RGS6: variants seen among roughly 807,000 people sequenced by gnomAD.
RGS6 encodes the protein regulator of G-protein signaling 6.
RGS6 carries 30 observed loss-of-function variants against 78.5 expected under a neutral mutation model. The ratio of observed to expected loss-of-function variants is 0.38; its 90% CI spans 0.29 to 0.52. The LOEUF (loss-of-function observed/expected upper bound fraction) is 0.52, where lower values mean the gene tolerates loss of function less well. Among genes scored for constraint, RGS6 ranks in the 20% least tolerant of loss-of-function variants. RGS6 has a pLI of 0.85. For synonymous variants in RGS6, 206 were observed against 206.0 expected, an observed-to-expected ratio of 1.00 and a Z score of 0.00; for missense variants, 495 against 609.7, an observed-to-expected ratio of 0.81 and a Z score of 1.98.
At chr14:72,252,913 G>T (rs547246591) in intron 2 of RGS6, among the ~76,000 whole-genome samples, 8 of 152,226 alleles carry the variant, frequency 5.3e-5, no homozygotes, top group African/African-American at 1.7e-4. Context: ...ATATACTGGG[G>T]ACTCCCTCTG....
At chr14:72,298,453 T>C (rs1213898557) in intron 2 of RGS6, among the ~76,000 whole-genome samples, 3 of 69,546 alleles carry the variant, frequency 4.3e-5, no homozygotes, top group African/African-American at 1.5e-4. Context: ...TTTTTTTTTT[T>C]TTCCCCCCCT....
rs79931382 is a variant in RGS6 at position 72,280,107 on chromosome 14, G to A, written c.85-71988G>A. Among the ~76,000 whole-genome samples the A allele has an allele frequency of 3.0e-4, 46 of 152,074 alleles. No individual in the cohort carries two copies. In the East Asian group the frequency reaches 7.0e-3, roughly 23 times the overall value. On this transcript the variant is annotated intron_variant, in intron 2 of 17. Transcript: ENST00000553525. ...TTGTGAAGTCAGCATGGTCCCCACCGCCACGCCCCCACCCCAGGCCAAACT... is the reference window on the plus strand; with the variant it reads ...TTGTGAAGTCAGCATGGTCCCCACCACCACGCCCCCACCCCAGGCCAAACT...
At chr14:72,478,405 G>A (rs969190479) in intron 12 of RGS6, 76 bp downstream of exon 12, 115 of 1,078,960 alleles carry the variant, frequency 1.1e-4, no homozygotes, top group Non-Finnish European at 1.5e-4. Context: ...TATGGTTAAC[G>A]AATGTGTTCA....
chr14:72,022,425 A>G (rs2088848733), intron 2 of RGS6: 1 of 152,188 alleles, frequency 6.6e-6, no homozygotes, highest in African/African-American at 2.4e-5. Flanking sequence ...AGTCAAGTAC[A>G]CTAGTGAGAA....
chr14:72,312,257 A>G lies in RGS6; in HGVS notation c.85-39838A>G, dbSNP rs568803658. Among the ~76,000 whole-genome samples the G allele has an allele frequency of 9.9e-5, 14 of 140,946 alleles. No individual in the cohort carries two copies. In the South Asian group the frequency reaches 2.5e-3, roughly 25 times the overall value. The allele number at this position is 140,946 out of a possible 152,430, so 92.5% of individuals were successfully genotyped here. Reference sequence around the variant, plus strand: ...TTTTTTTTTTTTGGTACTCAGCCCTAATTTTCCCTGGCAAATATTGCTCTG... The same window carrying G: ...TTTTTTTTTTTTGGTACTCAGCCCTGATTTTCCCTGGCAAATATTGCTCTG... On this transcript the variant is annotated intron_variant, in intron 2 of 17. Transcript: ENST00000553525.
chr14:72,258,796 C>G (rs573333099), intron 2 of RGS6, among the ~76,000 whole-genome samples: 15 of 152,070 alleles, frequency 9.9e-5, no homozygotes, highest in Non-Finnish European at 2.1e-4. Context: ...TGAAATACAG[C>G]AAGGTAACAT....
chr14:72,109,165 A>AT (rs1279830568), intron 2 of RGS6, among the ~76,000 whole-genome samples: 2 of 144,212 alleles, frequency 1.4e-5, no homozygotes. Context: ...GCTCAATTTT[A>AT]TTTTTTTCCC....
intron 17 of RGS6, chr14:72,541,172 T>C: frequency 2.2e-6 from 3 of 1,383,298 alleles, no homozygotes; most frequent in Non-Finnish European, 2.9e-6. Flanking sequence ...CCATTGATAT[T>C]GACTTGCCTT....
chr14:72,583,896 GA>G, the RGS6 span, among the ~76,000 whole-genome samples: 2 of 152,160 alleles, frequency 1.3e-5, no homozygotes, highest in Admixed American at 1.3e-4. Flanking sequence ...TGCTCATGGG[GA>G]CACAGGTGGG....
chr14:72,224,616 C>T (rs192067074), intron 2 of RGS6, among the ~76,000 whole-genome samples: 2 of 152,170 alleles, frequency 1.3e-5, no homozygotes, highest in Admixed American at 1.3e-4. Flanking sequence ...GTCTCCTATG[C>T]CTGAAAAGTT....
chr14:72,206,517 C>T (rs1026514743), intron 2 of RGS6, among the ~76,000 whole-genome samples: 1 of 151,964 alleles, frequency 6.6e-6, no homozygotes, highest in East Asian at 1.9e-4. Context: ...CTGCTAATAC[C>T]TGAGACTGGG....
chr14:72,387,798 G>T (rs961847888), intron 3 of RGS6, among the ~76,000 whole-genome samples: 5 of 152,130 alleles, frequency 3.3e-5, no homozygotes, highest in African/African-American at 1.2e-4. Context: ...TAAACAACAG[G>T]AATTTATTAT....
At chr14:72,383,286 G>A (rs2086820186) in intron 3 of RGS6, among the ~76,000 whole-genome samples, 2 of 147,746 alleles carry the variant, frequency 1.4e-5, no homozygotes, top group South Asian at 4.3e-4. Context: ...ATAAAATAAA[G>A]GTGTATCACG....
chr14:71,932,605 GGGAGCGCGGAGAGCCAGGCCAGCCC>G lies in RGS6; in HGVS notation c.-348_-324del, dbSNP rs1207090959. On this transcript the variant is annotated 5_prime_UTR_variant, in exon 1 of 18. Coordinates refer to ENST00000553525, the MANE Select transcript of RGS6 (RefSeq NM_001204424.2). ...AGAGGCGGGCAAGCGGCGAACGCCT[GGGAGCGCGGAGAGCCAGGCCAGCCC>G]GGAGCGCGCCGGGGACACCCTGTGC... 2.6e-5 allele frequency: 4 copies of G among 152,194 alleles called. No individual in the cohort carries two copies. In the South Asian group the frequency reaches 6.2e-4, roughly 24 times the overall value. 9.4% of individuals were successfully genotyped at this position (152,194 alleles called of 1,614,324 possible).
chr14:72,220,704 C>T (rs2046669201), intron 2 of RGS6, among the ~76,000 whole-genome samples: 2 of 152,128 alleles, frequency 1.3e-5, no homozygotes, highest in South Asian at 4.2e-4. Flanking sequence ...TAAATTATTG[C>T]CTCAATGTAG....
At chr14:71,960,932 G>C (rs538770708) in intron 1 of RGS6, among the ~76,000 whole-genome samples, 28 of 152,318 alleles carry the variant, frequency 1.8e-4, no homozygotes, top group Non-Finnish European at 3.5e-4. Flanking sequence ...GAACACATCT[G>C]TTATTCCTAC....
intron 3 of RGS6, among the ~76,000 whole-genome samples, chr14:72,381,868 A>G (rs1180292403): frequency 2.6e-5 from 4 of 152,124 alleles, no homozygotes; most frequent in East Asian, 1.9e-4. Flanking sequence ...AAATAAGAGC[A>G]TGCAAATTGG....
intron 2 of RGS6, among the ~76,000 whole-genome samples, chr14:72,150,344 A>T: frequency 6.6e-6 from 1 of 152,130 alleles, no homozygotes; most frequent in Non-Finnish European, 1.5e-5. Context: ...GACCCTGTCA[A>T]CACCTTGATT....
At chr14:72,268,972 C>T (rs928354684) in intron 2 of RGS6, among the ~76,000 whole-genome samples, 11 of 152,284 alleles carry the variant, frequency 7.2e-5, no homozygotes, top group South Asian at 2.1e-4. Context: ...CTCTTTCTTC[C>T]GCCTTTTCCA....
Sources: gnomAD v4.1 joint callset for allele counts (sites outside exome capture counted in the v4.1 genomes callset) on GRCh38, gnomAD v4.1.1 for gene constraint, MANE v1.5 for transcripts, NCBI Gene and HGNC (gene_info 2026-07-23, HGNC 2026-07-21) for gene names.